Variants in SYNE2 observed in about 807,000 individuals in gnomAD.
SYNE2 encodes the protein nesprin-2.
In SYNE2, 431 loss-of-function variants were observed where a neutral mutation model predicts 856.3. That is an observed-to-expected ratio of 0.50 (90% CI 0.47 to 0.55). The LOEUF is 0.55. Ranked by LOEUF, SYNE2 falls within the 20% of genes least tolerant of loss-of-function variation. The pLI, the probability that SYNE2 is intolerant of heterozygous loss-of-function variation, is 0.00. For missense variants in SYNE2, 8,129 were observed against 8,023.2 expected, an observed-to-expected ratio of 1.01 and a Z score of -0.50; for synonymous variants, 2,923 against 2,872.3, an observed-to-expected ratio of 1.02 and a Z score of -0.56.
chr14:64,225,397 C>CCTGCTG lies in SYNE2; in HGVS notation c.20604_20609dup (p.Leu6870_Leu6871dup). On this transcript the variant is annotated inframe_insertion, in exon 116 of 116. Coordinates refer to ENST00000555002, the MANE Select transcript of SYNE2 (RefSeq NM_182914.3). ...CAGCCCTACCCCTGCAGCTGCTCCTCCTGCTGCTGCTGCTCCTGGCCTGCC... is the reference window on the plus strand; with the variant it reads ...CAGCCCTACCCCTGCAGCTGCTCCTCCTGCTGCTGCTGCTGCTGCTCCTGGCCTGCC... The CCTGCTG allele has an allele frequency of 6.2e-7, 1 of 1,614,048 alleles. No individual in the cohort carries two copies.
At chr14:64,036,442 C>T (rs1269913935) in intron 45 of SYNE2, among the ~76,000 whole-genome samples, 1 of 152,080 alleles carries the variant, frequency 6.6e-6, no homozygotes, top group East Asian at 1.9e-4. Flanking sequence ...TGCACCACCA[C>T]ACCGGCTAAT....
At chr14:63,849,117 G>A (rs1441341972), upstream of SYNE2, among the ~76,000 whole-genome samples, 1 of 152,150 alleles carries the variant, frequency 6.6e-6, no homozygotes, top group Non-Finnish European at 1.5e-5. Context: ...CCAACTCTTG[G>A]AAAAACAGAG....
rs2097200752 is a variant in SYNE2, at chr14:64,048,362, T to G, written c.7377+207T>G. The G allele has an allele frequency of 1.0e-5, 4 of 398,204 alleles. 1 individual carries two copies. The Admixed American group carries it at 1.6e-4, about 16-fold the overall frequency. 24.7% of individuals were successfully genotyped at this position (398,204 alleles called of 1,614,324 possible). A position where few individuals can be genotyped will look rare whatever the true frequency, so the allele number is the denominator to read the frequency against. On this transcript the variant is annotated intron_variant, in intron 46 of 115. Transcript: ENST00000555002. ...GAAAGTAGAAGAGTTAAAGGGACAT[T>G]AGTCTTCTTTCTATTTCACAAAGTT...
intron 66 of SYNE2, among the ~76,000 whole-genome samples, chr14:64,116,038 G>A (rs1243069782): frequency 6.6e-6 from 1 of 152,080 alleles, no homozygotes; most frequent in African/African-American, 2.4e-5. Context: ...GGGCATGGTG[G>A]TGTGTATCTG....
intron 45 of SYNE2, among the ~76,000 whole-genome samples, chr14:64,036,199 TAA>T (rs61627778): frequency 6.9e-6 from 1 of 143,988 alleles, no homozygotes; most frequent in Non-Finnish European, 1.5e-5. Flanking sequence ...CTTTTTTACT[TAA>T]AAAAAAAAAA....
At chr14:63,845,577 A>G (rs1181953579) in intron 1 of SYNE2, among the ~76,000 whole-genome samples, 1 of 152,070 alleles carries the variant, frequency 6.6e-6, no homozygotes, top group Non-Finnish European at 1.5e-5. Flanking sequence ...AATAATTGGC[A>G]TGGTAATTTA....
intron 96 of SYNE2, among the ~76,000 whole-genome samples, chr14:64,179,024 T>A (rs1443975028): frequency 2.0e-5 from 3 of 152,124 alleles, no homozygotes; most frequent in Non-Finnish European, 2.9e-5. Flanking sequence ...ATACAGTGAC[T>A]CATGAATGCA....
chr14:64,175,049 G>A lies in SYNE2; in HGVS notation c.17341G>A (p.Gly5781Ser), dbSNP rs2098427209. ...TTDLKTKESV[G>S]RRISQLQDSW... ...TGACCTGAAAACTAAAGAGTCTGTG[G>A]GTAGGAGAATCAGTCAACTTCAGGA... The change falls in exon 95 of 116, where the codon GGT becomes AGT. Residue 5781 changes from glycine to serine, a missense_variant. Around this residue, in one of 3 missense-constraint regions of SYNE2, gnomAD observed 5,410 missense variants for 5,284.8 expected, o/e 1.02. Transcript: ENST00000555002. 6.2e-7 allele frequency: 1 copy of A among 1,614,158 alleles called. No homozygotes were observed. Among genetic ancestry groups the A allele is most frequent in the Non-Finnish European group, 8.5e-7 (1 of 1,180,028 alleles).
chr14:64,066,867 A>T (rs558299548), intron 51 of SYNE2, among the ~76,000 whole-genome samples: 17 of 152,296 alleles, frequency 1.1e-4, no homozygotes, highest in African/African-American at 4.1e-4. Context: ...GAGTAGTGGC[A>T]CAAGGTCCCC....
intron 114 of SYNE2, 108 bp downstream of exon 114, chr14:64,224,655 C>G: frequency 8.2e-7 from 1 of 1,212,630 alleles, no homozygotes; most frequent in South Asian, 1.3e-5. Flanking sequence ...CAGGACAGCA[C>G]AGGTCTCTGC....
At chr14:63,872,616 C>T (rs1897123371) in intron 1 of SYNE2, among the ~76,000 whole-genome samples, 1 of 151,512 alleles carries the variant, frequency 6.6e-6, no homozygotes, top group African/African-American at 2.4e-5. Context: ...ATTAGCCGCA[C>T]GTGGTGGTGG....
At chr14:63,819,121 C>G (rs1889119237) in intron 1 of SYNE2, among the ~76,000 whole-genome samples, 1 of 151,482 alleles carries the variant, frequency 6.6e-6, no homozygotes, top group Non-Finnish European at 1.5e-5. Flanking sequence ...ATTGCTCAAA[C>G]AGAAAATCCT....
At chr14:63,944,693 GTATTTT>G (rs1393961513) in intron 6 of SYNE2, among the ~76,000 whole-genome samples, 1 of 151,048 alleles carries the variant, frequency 6.6e-6, no homozygotes, top group Non-Finnish European at 1.5e-5. Context: ...CCTAATTTTT[GTATTTT>G]TAGAAGAGAT....
At chr14:63,894,507 C>G (rs543548106) in intron 1 of SYNE2, among the ~76,000 whole-genome samples, 2 of 152,196 alleles carry the variant, frequency 1.3e-5, no homozygotes, top group South Asian at 4.1e-4. Context: ...AGGTGTGAGC[C>G]ACTGCATCCG....
intron 45 of SYNE2, among the ~76,000 whole-genome samples, chr14:64,043,582 C>A (rs115807322): frequency 6.6e-6 from 1 of 152,136 alleles, no homozygotes; most frequent in Admixed American, 6.5e-5. Flanking sequence ...GTGTCTCAGC[C>A]GCTCCAGCCT....
chr14:63,876,904 T>A (rs1595375600), intron 1 of SYNE2, among the ~76,000 whole-genome samples: 1 of 152,186 alleles, frequency 6.6e-6, no homozygotes, highest in Non-Finnish European at 1.5e-5. Context: ...CAGAAACCAC[T>A]GTCCGTGGAT....
rs781393158 is a variant in SYNE2 at position 64,017,616 on chromosome 14, T to C, written c.4909T>C (p.Tyr1637His). Reference protein sequence around the residue: ...WLDINEKTEDYYENLGRALAL... With the variant: ...WLDINEKTEDHYENLGRALAL... ...GTAGATAAATGAGAAGACAGAAGATTACTATGAAAATCTTGGTCGAGCTCT... is the reference window on the plus strand; with the variant it reads ...GTAGATAAATGAGAAGACAGAAGATCACTATGAAAATCTTGGTCGAGCTCT... Residue 1637 changes from tyrosine (Y) to histidine (H), a missense_variant, in exon 34 of 116, where the codon TAC (tyrosine) becomes CAC (histidine). Coordinates refer to ENST00000555002, the MANE Select transcript of SYNE2 (RefSeq NM_182914.3). The C allele has an allele frequency of 5.0e-6, 8 of 1,612,826 alleles. No homozygotes were observed. The highest frequency in any genetic ancestry group is 1.1e-5 in the South Asian group (1 of 91,040).
intron 1 of SYNE2, among the ~76,000 whole-genome samples, chr14:63,853,711 G>T (rs1891008264): frequency 6.6e-6 from 1 of 151,622 alleles, no homozygotes. Flanking sequence ...ACCGGGGCTG[G>T]AGAGGGCGCG....
In SYNE2 at chr14:63,976,559, T is replaced by G. The variant is rs1231962702; in HGVS notation, c.1129-4T>G. On this transcript the variant is annotated splice_region_variant and splice_polypyrimidine_tract_variant and intron_variant, in intron 11 of 115. Coordinates refer to ENST00000555002, the MANE Select transcript of SYNE2 (RefSeq NM_182914.3). ...TATGTTCTTTTTTTTTTTTTTTTTT[T>G]CAGATTAATGCATGGAAAATAAAGC... 20 of 1,538,952 alleles carry G rather than the reference T, an allele frequency of 1.3e-5. No homozygotes were observed. The highest frequency in any genetic ancestry group is 1.1e-5 in the Non-Finnish European group (13 of 1,146,348).
Sources: allele counts gnomAD v4.1 joint callset (sites outside exome capture counted in the v4.1 genomes callset), GRCh38; gene constraint gnomAD v4.1.1; regional missense constraint gnomAD v4.1.1; transcripts MANE v1.5; gene names NCBI Gene and HGNC (gene_info 2026-07-23, HGNC 2026-07-21).